The following PPARGC1A variants were observed in gnomAD, a reference collection of about 807,000 sequenced individuals.
PPARGC1A encodes peroxisome proliferator-activated receptor gamma coactivator 1-alpha.
In PPARGC1A, 25 loss-of-function variants were observed where a neutral mutation model predicts 88.7. The ratio of observed to expected loss-of-function variants is 0.28; its 90% CI spans 0.21 to 0.39. PPARGC1A has a LOEUF of 0.39. Among genes scored for constraint, PPARGC1A ranks in the 10% least tolerant of loss-of-function variants. The pLI, the probability that PPARGC1A is intolerant of heterozygous loss-of-function variation, is 1.00. For synonymous variants in PPARGC1A, 363 were observed against 355.6 expected (o/e 1.02, Z -0.24); for missense variants, 880 against 968.7 (o/e 0.91, Z 1.22).
upstream of PPARGC1A, among the ~76,000 whole-genome samples, chr4:23,900,894 T>C (rs1719253502): frequency 6.6e-6 from 1 of 152,200 alleles, no homozygotes. Context: ...ACAAAGTTAT[T>C]TGAGCCAAAA....
the PPARGC1A span, among the ~76,000 whole-genome samples, chr4:24,405,464 T>G: frequency 6.6e-6 from 1 of 152,240 alleles, no homozygotes. Context: ...CTCCGCAGGC[T>G]GGCAGCTGTG....
chr4:24,258,203 A>G, the PPARGC1A span: 1 of 980,062 alleles, frequency 1.0e-6, no homozygotes, highest in Non-Finnish European at 1.2e-6. Context: ...TTATACTTAC[A>G]AAGTACCCTT....
chr4:23,833,880 A>C (rs1271986696), intron 2 of PPARGC1A, among the ~76,000 whole-genome samples: 1 of 152,192 alleles, frequency 6.6e-6, no homozygotes, highest in Non-Finnish European at 1.5e-5. Flanking sequence ...ACTTTAATGC[A>C]CTTGCAGGGC....
chr4:23,954,052 C>G, the PPARGC1A span, among the ~76,000 whole-genome samples: 1 of 151,632 alleles, frequency 6.6e-6, no homozygotes, highest in Admixed American at 6.6e-5. Context: ...TTTTTTAACT[C>G]TGCATAGCAA....
Position 23,795,767 on chromosome 4 carries a change from G to T in PPARGC1A, c.*55C>A. The T allele has an allele frequency of 1.5e-6, 2 of 1,361,960 alleles. No individual in the cohort carries two copies. The highest frequency in any genetic ancestry group is 2.1e-5 in the Admixed American group (1 of 47,002). 84.4% of individuals were successfully genotyped at this position (1,361,960 alleles called of 1,614,324 possible). On this transcript the variant is annotated 3_prime_UTR_variant, in exon 13 of 13. Transcript: ENST00000264867. ...CTTGCAATAGTCTTTAGGGAAGGAC[G>T]CGCTGTCCCATGAGGTATTCGCCAT...
At chr4:24,342,878 T>G in the PPARGC1A span, among the ~76,000 whole-genome samples, 1 of 152,118 alleles carries the variant, frequency 6.6e-6, no homozygotes, top group Non-Finnish European at 1.5e-5. Flanking sequence ...TGAAGATAAT[T>G]TTATGGTCAG....
the PPARGC1A span, among the ~76,000 whole-genome samples, chr4:24,153,249 A>T: frequency 6.6e-6 from 1 of 152,222 alleles, no homozygotes; most frequent in Non-Finnish European, 1.5e-5. Context: ...CTCGTCGATG[A>T]ACATTTGAAT....
chr4:23,817,009 G>A (rs1412451261), intron 7 of PPARGC1A, among the ~76,000 whole-genome samples: 5 of 152,144 alleles, frequency 3.3e-5, no homozygotes, highest in Admixed American at 3.3e-4. Flanking sequence ...CATTTTTAAT[G>A]AGATGCTTCA....
At chr4:24,024,479 GTTGGGTTTTGCCTTTTCTCAACAGCC>G in the PPARGC1A span, among the ~76,000 whole-genome samples, 110 of 152,252 alleles carry the variant, frequency 7.2e-4, 2 homozygotes, top group African/African-American at 1.8e-3. Context: ...TATTGTCCTA[GTTGGGTTTTGCCTTTTCTCAACAGCC>G]TTGGGTTTTG....
At chr4:24,378,166 AT>A in the PPARGC1A span, among the ~76,000 whole-genome samples, 4 of 151,978 alleles carry the variant, frequency 2.6e-5, no homozygotes, top group African/African-American at 9.7e-5. Flanking sequence ...GTAAAACCCC[AT>A]TTCTACTAAA....
the PPARGC1A span, among the ~76,000 whole-genome samples, chr4:24,123,894 T>C: frequency 1.7e-3 from 224 of 129,054 alleles, 2 homozygotes; most frequent in East Asian, 0.022. Flanking sequence ...TTGATTCCTA[T>C]AGGAATCTAA....
chr4:24,456,707 A>T, the PPARGC1A span, among the ~76,000 whole-genome samples: 112 of 152,080 alleles, frequency 7.4e-4, no homozygotes, highest in Middle Eastern at 3.4e-3. Context: ...GCTGGCTAAA[A>T]GGAGTCAGGG....
chr4:24,229,722 G>A, the PPARGC1A span, among the ~76,000 whole-genome samples: 1 of 151,822 alleles, frequency 6.6e-6, no homozygotes. Flanking sequence ...GCACATGCCT[G>A]TAATCCGAAC....
At chr4:24,211,489 G>T in the PPARGC1A span, among the ~76,000 whole-genome samples, 1 of 152,148 alleles carries the variant, frequency 6.6e-6, no homozygotes, top group East Asian at 1.9e-4. Context: ...CTTTTCTTGT[G>T]TCCCCAGCTT....
At chr4:24,385,383 A>T in the PPARGC1A span, among the ~76,000 whole-genome samples, 1 of 152,340 alleles carries the variant, frequency 6.6e-6, no homozygotes, top group Non-Finnish European at 1.5e-5. Flanking sequence ...GGCAAGAAAT[A>T]ACTAAGATCA....
At chr4:24,203,593 A>G in the PPARGC1A span, among the ~76,000 whole-genome samples, 1 of 152,200 alleles carries the variant, frequency 6.6e-6, no homozygotes, top group African/African-American at 2.4e-5. Flanking sequence ...GAAAATAGAG[A>G]AAGAATAAAG....
the PPARGC1A span, among the ~76,000 whole-genome samples, chr4:24,022,727 C>T: frequency 1.3e-5 from 2 of 152,182 alleles, no homozygotes; most frequent in East Asian, 1.9e-4. Context: ...GGATAGGGAT[C>T]GGGTCCCAGC....
the PPARGC1A span, among the ~76,000 whole-genome samples, chr4:24,159,438 T>C: frequency 2.0e-5 from 3 of 152,072 alleles, no homozygotes; most frequent in Admixed American, 6.6e-5. Flanking sequence ...CTCGAACTCC[T>C]GACCTCGTGA....
At chr4:24,370,615 G>A in the PPARGC1A span, among the ~76,000 whole-genome samples, 4 of 152,062 alleles carry the variant, frequency 2.6e-5, no homozygotes, top group African/African-American at 9.7e-5. Flanking sequence ...ATCTCACTCT[G>A]GCCCAAGGCC....
Sources: gnomAD v4.1 joint callset for allele counts (sites outside exome capture counted in the v4.1 genomes callset) on GRCh38, gnomAD v4.1.1 for gene constraint, MANE v1.5 for transcripts, NCBI Gene and HGNC (gene_info 2026-07-23, HGNC 2026-07-21) for gene names.